FBXL2: variants seen among roughly 807,000 people sequenced by gnomAD.
The protein encoded by FBXL2 is F-box and leucine rich repeat protein 2.
A neutral mutation model predicts 69.2 loss-of-function variants in FBXL2; 38 were observed. The observed-to-expected ratio is 0.55, with a 90% CI of 0.42 to 0.72. The LOEUF is 0.72. Among genes scored for constraint, FBXL2 ranks in the 30% least tolerant of loss-of-function variants. FBXL2 has a pLI of 0.00. For missense variants in FBXL2, 354 were observed against 520.3 expected, an observed-to-expected ratio of 0.68 and a Z score of 3.11; for synonymous variants, 192 against 201.3, an observed-to-expected ratio of 0.95 and a Z score of 0.39.
At chr3:33,414,338 C>A in the FBXL2 span, 1 of 152,154 alleles carries the variant, frequency 6.6e-6, no homozygotes, top group South Asian at 2.1e-4. Context: ...GGGAGAAAAT[C>A]TCGTTATCTG....
downstream of FBXL2, among the ~76,000 whole-genome samples, chr3:33,405,012 G>A (rs1447031760): frequency 6.6e-6 from 1 of 151,918 alleles, no homozygotes; most frequent in Non-Finnish European, 1.5e-5. Context: ...TGATAAATTG[G>A]TACTAATAAG....
chr3:33,340,077 A>G (rs1244112277), intron 2 of FBXL2, among the ~76,000 whole-genome samples: 1 of 152,206 alleles, frequency 6.6e-6, no homozygotes, highest in African/African-American at 2.4e-5. Flanking sequence ...GTTGAAATTA[A>G]TCTATGGTAA....
Position 33,373,364 on chromosome 3 carries a change from G to T in FBXL2, c.455+9G>T, listed in dbSNP as rs1476247041. The T allele has an allele frequency of 1.9e-6, 3 of 1,593,000 alleles. No individual in the cohort carries two copies. The highest frequency in any genetic ancestry group is 2.2e-5 in the East Asian group (1 of 44,802). Reference sequence around the variant, plus strand: ...TCCTTGAAGGGGATCAGGTAAGAGTGCCCATTGTTTGTGTCAAGAGAAATA... The same window carrying T: ...TCCTTGAAGGGGATCAGGTAAGAGTTCCCATTGTTTGTGTCAAGAGAAATA... On this transcript the variant is annotated intron_variant, in intron 7 of 14. Coordinates refer to ENST00000484457, the MANE Select transcript of FBXL2 (RefSeq NM_012157.5).
chr3:33,283,754 A>C (rs183347643), intron 1 of FBXL2, among the ~76,000 whole-genome samples: 2 of 152,120 alleles, frequency 1.3e-5, no homozygotes, highest in East Asian at 1.9e-4. Context: ...TAGGGATTCA[A>C]CTTCTTCCTG....
intron 12 of FBXL2, chr3:33,400,092 A>G (rs1464872828): frequency 4.2e-6 from 3 of 715,250 alleles, no homozygotes; most frequent in Non-Finnish European, 6.1e-6. Context: ...CTTCCTATCC[A>G]TAGTTATTTC....
chr3:33,381,110 C>T (rs879931869), intron 13 of FBXL2, among the ~76,000 whole-genome samples: 5 of 152,112 alleles, frequency 3.3e-5, no homozygotes, highest in Non-Finnish European at 7.3e-5. Context: ...CAAGCACCCT[C>T]TGATTTTCCT....
chr3:33,384,769 G>A (rs1302104976), intron 14 of FBXL2, among the ~76,000 whole-genome samples: 4 of 152,214 alleles, frequency 2.6e-5, no homozygotes, highest in East Asian at 3.9e-4. Context: ...GGATGGGCGC[G>A]GTGGCTCACG....
intron 1 of FBXL2, among the ~76,000 whole-genome samples, chr3:33,283,347 C>T (rs1445028957): frequency 1.3e-5 from 2 of 152,164 alleles, no homozygotes; most frequent in African/African-American, 4.8e-5. Flanking sequence ...TGATGGATTA[C>T]GTTTATTGAT....
chr3:33,372,683 A>C (rs768367971), intron 5 of FBXL2: 6 of 233,478 alleles, frequency 2.6e-5, no homozygotes, highest in Non-Finnish European at 4.2e-5. Flanking sequence ...AGGGTAAGCA[A>C]GTGACAGCAT....
At chr3:33,420,523 A>G in the FBXL2 span, among the ~76,000 whole-genome samples, 348 of 139,370 alleles carry the variant, frequency 2.5e-3, no homozygotes, top group African/African-American at 8.7e-3. Flanking sequence ...AGAGTCTCAC[A>G]CTGCCATCAG....
chr3:33,392,931 C>A (rs937331957), downstream of FBXL2: 1 of 335,972 alleles, frequency 3.0e-6, no homozygotes, highest in Non-Finnish European at 5.3e-6. Flanking sequence ...TACTTGCCAC[C>A]AATCACTAGG....
chr3:33,328,481 T>A (rs2038885471), intron 2 of FBXL2, among the ~76,000 whole-genome samples: 1 of 152,128 alleles, frequency 6.6e-6, no homozygotes, highest in Admixed American at 6.5e-5. Context: ...ATCTGTATGG[T>A]GCTGGTATAG....
intron 9 of FBXL2, among the ~76,000 whole-genome samples, chr3:33,374,200 T>C (rs1479777200): frequency 6.6e-6 from 1 of 152,222 alleles, no homozygotes; most frequent in Non-Finnish European, 1.5e-5. Flanking sequence ...GGGACGCTAT[T>C]GAGGAATGCA....
rs1317732898 is a variant in FBXL2 at position 33,319,530 on chromosome 3, T to G, written c.65+21805T>G. Among the ~76,000 whole-genome samples the G allele has an allele frequency of 3.3e-5, 5 of 152,188 alleles. No individual in the cohort carries two copies. In the East Asian group the frequency reaches 9.6e-4, roughly 29 times the overall value. ...GTTGAATTATTGAATTCTTACATATTTACTTCGATGAGCAATATCACAATC... is the reference window on the plus strand; with the variant it reads ...GTTGAATTATTGAATTCTTACATATGTACTTCGATGAGCAATATCACAATC... On this transcript the variant is annotated intron_variant, in intron 2 of 14. Coordinates refer to ENST00000484457, the MANE Select transcript of FBXL2 (RefSeq NM_012157.5).
At chr3:33,342,237 C>T (rs1402317437) in intron 2 of FBXL2, among the ~76,000 whole-genome samples, 1 of 151,636 alleles carries the variant, frequency 6.6e-6, no homozygotes, top group Non-Finnish European at 1.5e-5. Flanking sequence ...AATCTCCTGA[C>T]CTCGTGAGCC....
At chr3:33,280,409 G>A (rs1333873897) in intron 1 of FBXL2, among the ~76,000 whole-genome samples, 1 of 152,130 alleles carries the variant, frequency 6.6e-6, no homozygotes, top group Non-Finnish European at 1.5e-5. Context: ...TTCTACAATT[G>A]TTACGAAAAG....
rs1339751435 is a variant in FBXL2, at chr3:33,387,061, G to T, written c.*1453G>T. ...ATATATATATAATCTCCCCATAAACGGACTTAGCACAATTATCATCAGAGT... is the reference window on the plus strand; with the variant it reads ...ATATATATATAATCTCCCCATAAACTGACTTAGCACAATTATCATCAGAGT... On this transcript the variant is annotated 3_prime_UTR_variant, in exon 15 of 15. Transcript: ENST00000484457. The T allele has an allele frequency of 1.3e-5, 2 of 151,992 alleles. No homozygotes were observed. Among genetic ancestry groups the T allele is most frequent in the Admixed American group, 1.3e-4 (2 of 15,260 alleles). The allele number at this position is 151,992 out of a possible 1,614,324, so 9.4% of individuals were successfully genotyped here. A position where few individuals can be genotyped will look rare whatever the true frequency, so the allele number is the denominator to read the frequency against.
chr3:33,283,602 G>C, intron 1 of FBXL2, among the ~76,000 whole-genome samples: 1 of 152,122 alleles, frequency 6.6e-6, no homozygotes, highest in Non-Finnish European at 1.5e-5. Context: ...TCTATTGATT[G>C]GAATAGTTTC....
At chr3:33,342,903 T>TGG (rs1277736090) in intron 2 of FBXL2, among the ~76,000 whole-genome samples, 181 of 142,978 alleles carry the variant, frequency 1.3e-3, no homozygotes, top group African/African-American at 4.7e-3. Context: ...GTTTTTTTTT[T>TGG]TTTTTTTTTG....
Sources: gnomAD v4.1 joint callset for allele counts (sites outside exome capture counted in the v4.1 genomes callset) on GRCh38, gnomAD v4.1.1 for gene constraint, MANE v1.5 for transcripts, NCBI Gene and HGNC (gene_info 2026-07-23, HGNC 2026-07-21) for gene names.